ZNF827: variants seen among roughly 807,000 people sequenced by gnomAD.
The protein encoded by ZNF827 is zinc finger protein 827.
In ZNF827, 13 loss-of-function variants were observed where a neutral mutation model predicts 102.4. That is an observed-to-expected ratio of 0.13 (90% confidence interval 0.08 to 0.20). ZNF827 has a LOEUF of 0.20. Among genes scored for constraint, ZNF827 ranks in the 10% least tolerant of loss-of-function variants. ZNF827 has a pLI of 1.00. For missense variants in ZNF827, 1,103 were observed against 1,344.4 expected (o/e 0.82, Z 2.81); for synonymous variants, 523 against 536.2 (o/e 0.98, Z 0.34).
chr4:145,916,890 G>T (rs1216385518), intron 1 of ZNF827, among the ~76,000 whole-genome samples: 1 of 152,040 alleles, frequency 6.6e-6, no homozygotes, highest in Admixed American at 6.6e-5. Context: ...GACACAATTC[G>T]GCCAAGTTCT....
intron 7 of ZNF827, among the ~76,000 whole-genome samples, chr4:145,836,532 C>T (rs1157029629): frequency 2.0e-5 from 3 of 152,212 alleles, no homozygotes; most frequent in Non-Finnish European, 4.4e-5. Flanking sequence ...CTCCCCGGCT[C>T]CTTCAGCTGT....
chr4:145,769,308 C>T (rs1195732009), intron 11 of ZNF827, among the ~76,000 whole-genome samples: 1 of 152,104 alleles, frequency 6.6e-6, no homozygotes, highest in African/African-American at 2.4e-5. Flanking sequence ...ATTTGCTTAT[C>T]AGTATATATT....
chr4:145,789,032 A>G (rs1739291388), intron 8 of ZNF827, among the ~76,000 whole-genome samples: 1 of 152,204 alleles, frequency 6.6e-6, no homozygotes, highest in Non-Finnish European at 1.5e-5. Flanking sequence ...GTTCTAGACA[A>G]TGAGATATAG....
intron 7 of ZNF827, among the ~76,000 whole-genome samples, chr4:145,830,255 T>C (rs1263065817): frequency 2.7e-5 from 4 of 149,206 alleles, no homozygotes; most frequent in African/African-American, 9.8e-5. Context: ...TTACAGGCCT[T>C]GCCAAAAGAC....
At chr4:145,882,815 G>A (rs1370355684) in intron 4 of ZNF827, among the ~76,000 whole-genome samples, 1 of 152,154 alleles carries the variant, frequency 6.6e-6, no homozygotes, top group Non-Finnish European at 1.5e-5. Flanking sequence ...GCAGGTGCAC[G>A]GACAGAGCCC....
At position 145,865,013 on chromosome 4, in the gene ZNF827, T is replaced by G. The variant is rs535426190; in HGVS notation, c.1981+5232A>C. Reference sequence around the variant, plus strand: ...CAAATAAGTTTTTGCTCTGAGAAATTATTAAGCTAAATCTCTAATTAACCT... The same window carrying G: ...CAAATAAGTTTTTGCTCTGAGAAATGATTAAGCTAAATCTCTAATTAACCT... On this transcript the variant is annotated intron_variant, in intron 5 of 14. Coordinates refer to ENST00000508784, the MANE Select transcript of ZNF827 (RefSeq NM_001306215.2). Among the ~76,000 whole-genome samples the G allele has an allele frequency of 5.3e-5, 8 of 152,352 alleles. No individual in the cohort carries two copies. In the East Asian group the frequency reaches 1.5e-3, roughly 29 times the overall value.
chr4:145,838,614 A>C (rs1276640587), intron 7 of ZNF827, among the ~76,000 whole-genome samples: 1 of 152,204 alleles, frequency 6.6e-6, no homozygotes, highest in Admixed American at 6.5e-5. Context: ...AAACCTGAAT[A>C]CTATGCAAAC....
At chr4:145,926,787 G>A (rs1360371727) in intron 1 of ZNF827, among the ~76,000 whole-genome samples, 2 of 151,802 alleles carry the variant, frequency 1.3e-5, no homozygotes, top group Non-Finnish European at 1.5e-5. Context: ...TATGGAGTAC[G>A]CCCAAGTCAT....
At chr4:145,796,231 C>G (rs1356273598) in intron 8 of ZNF827, among the ~76,000 whole-genome samples, 4 of 152,192 alleles carry the variant, frequency 2.6e-5, no homozygotes, top group South Asian at 4.1e-4. Context: ...GGAGGTTCTT[C>G]ACTCTTTCAA....
intron 1 of ZNF827, among the ~76,000 whole-genome samples, chr4:145,923,975 C>T (rs199560018): frequency 6.6e-6 from 1 of 152,130 alleles, no homozygotes; most frequent in African/African-American, 2.4e-5. Flanking sequence ...TGCATGTTCA[C>T]GGCAGTGCTG....
chr4:145,815,999 T>C (rs992673358), intron 8 of ZNF827, among the ~76,000 whole-genome samples: 1 of 152,224 alleles, frequency 6.6e-6, no homozygotes, highest in African/African-American at 2.4e-5. Flanking sequence ...GCCACAGCCC[T>C]GGGGATAACC....
rs576912454 is a variant in ZNF827 at position 145,936,983 on chromosome 4, C to T, written c.43+1382G>A. On this transcript the variant is annotated intron_variant, in intron 1 of 14. Transcript: ENST00000508784. ...CTCCCTCCGGCGCCTCCCGCGTCCC[C>T]TCCTCCCCGTCACCCCGCCCCACGC... is the stretch of plus-strand genomic sequence containing the variant. 3.1e-3 allele frequency among the ~76,000 whole-genome samples: 473 copies of T among 152,228 alleles called. 3 individuals are homozygous for T. Among genetic ancestry groups the T allele is most frequent in the African/African-American group, 0.011 (443 of 41,542 alleles).
At chr4:145,831,129 C>T (rs1014061081) in intron 7 of ZNF827, 4 of 152,068 alleles carry the variant, frequency 2.6e-5, no homozygotes, top group African/African-American at 7.2e-5. Flanking sequence ...TTTATTGTGA[C>T]GAAAAGGACC....
chr4:145,874,732 G>A (rs956685316), intron 4 of ZNF827, among the ~76,000 whole-genome samples: 5 of 152,162 alleles, frequency 3.3e-5, no homozygotes, highest in Admixed American at 1.3e-4. Flanking sequence ...AACTTGTCAA[G>A]GACTTTCACA....
intron 5 of ZNF827, among the ~76,000 whole-genome samples, chr4:145,869,984 G>A (rs1748538689): frequency 6.6e-6 from 1 of 152,162 alleles, no homozygotes; most frequent in Admixed American, 6.6e-5. Flanking sequence ...TATCACCTTA[G>A]AAAGCAGCAG....
At chr4:145,898,503 C>T (rs1403824924) in intron 2 of ZNF827, among the ~76,000 whole-genome samples, 1 of 152,276 alleles carries the variant, frequency 6.6e-6, no homozygotes, top group Non-Finnish European at 1.5e-5. Flanking sequence ...AAAATAAAAA[C>T]CATTTATTTT....
At chr4:145,927,679 T>G (rs1753527314) in intron 1 of ZNF827, among the ~76,000 whole-genome samples, 1 of 152,190 alleles carries the variant, frequency 6.6e-6, no homozygotes, top group African/African-American at 2.4e-5. Context: ...GACCTACAGC[T>G]GCACTGTGTC....
At position 145,886,144 on chromosome 4, in the gene ZNF827, C is replaced by G; in HGVS notation, c.1281G>C (p.Gln427His). 1 of 1,598,582 alleles carries G rather than the reference C, an allele frequency of 6.3e-7. No individual in the cohort carries two copies. The highest frequency in any genetic ancestry group is 1.1e-5 in the South Asian group (1 of 87,838). The change falls in exon 4 of 15, where the codon CAG (glutamine) becomes CAC (histidine). Residue 427 changes from glutamine (Q) to histidine (H), a missense_variant. Around this residue, in one of 5 missense-constraint regions of ZNF827, gnomAD observed 157 missense variants for 211.7 expected, o/e 0.74. Transcript: ENST00000508784. ...GGCACTGAAAGGTCTCTCCCCGATCCTGGTGCTGATGAACCTGACGGAGAA... is the reference window on the plus strand; with the variant it reads ...GGCACTGAAAGGTCTCTCCCCGATCGTGGTGCTGATGAACCTGACGGAGAA... ...LKSHMKVHQH[Q>H]DRGETFQCQL...
At chr4:145,910,248 A>C (rs1752182386) in intron 1 of ZNF827, among the ~76,000 whole-genome samples, 1 of 152,250 alleles carries the variant, frequency 6.6e-6, no homozygotes, top group African/African-American at 2.4e-5. Flanking sequence ...ACACAAATGA[A>C]CGCATCACTC....
Sources: gnomAD v4.1 joint callset for allele counts (sites outside exome capture counted in the v4.1 genomes callset) on GRCh38, gnomAD v4.1.1 for gene constraint, gnomAD v4.1.1 regional missense constraint, MANE v1.5 for transcripts, NCBI Gene and HGNC (gene_info 2026-07-23, HGNC 2026-07-21) for gene names.